CERS6: variants seen among roughly 807,000 people sequenced by gnomAD.
The protein encoded by CERS6 is ceramide synthase 6.
In CERS6, 26 loss-of-function variants were observed where a neutral mutation model predicts 56.8. The ratio of observed to expected loss-of-function variants is 0.46; its 90% CI spans 0.34 to 0.63. CERS6 has a LOEUF of 0.63. Ranked by LOEUF, CERS6 falls within the 30% of genes least tolerant of loss-of-function variation. The probability of loss-of-function intolerance (pLI) is 0.01; values close to 1 mark genes in which losing one functional copy is unlikely to be tolerated. For missense variants in CERS6, 415 were observed against 467.5 expected, an observed-to-expected ratio of 0.89 and a Z score of 1.04; for synonymous variants, 164 against 173.3, an observed-to-expected ratio of 0.95 and a Z score of 0.42.
intron 4 of CERS6, among the ~76,000 whole-genome samples, chr2:168,653,693 G>A (rs183716656): frequency 6.6e-6 from 1 of 152,198 alleles, no homozygotes; most frequent in Admixed American, 6.5e-5. Context: ...GACATCTCTT[G>A]TATGGACTGC....
rs1214508784 is a variant in CERS6, at chr2:168,698,236, GA to G, written c.609+3203del. ...GATAGAGCCAGACCTTGTCTCACAGGAAAAAAAAAAAAAAAAAAGAAAAAAA... is the reference window on the plus strand; with the variant it reads ...GATAGAGCCAGACCTTGTCTCACAGGAAAAAAAAAAAAAAAAAGAAAAAAA... On this transcript the variant is annotated intron_variant, in intron 6 of 9. Transcript: ENST00000305747. 9.1e-3 allele frequency among the ~76,000 whole-genome samples: 1,141 copies of G among 124,776 alleles called. 1 individual carries two copies. Among genetic ancestry groups the G allele is most frequent in the African/African-American group, 0.039 (1,083 of 27,760 alleles). 81.9% of individuals were successfully genotyped at this position (124,776 alleles called of 152,430 possible). A position where few individuals can be genotyped will look rare whatever the true frequency, so the allele number is the denominator to read the frequency against.
At chr2:168,637,037 T>A (rs1684876174) in intron 4 of CERS6, among the ~76,000 whole-genome samples, 2 of 152,238 alleles carry the variant, frequency 1.3e-5, no homozygotes, top group Admixed American at 6.5e-5. Flanking sequence ...TTTCAGCTCA[T>A]ATCCCATAAT....
At chr2:168,677,962 G>A (rs1038078928) in intron 4 of CERS6, among the ~76,000 whole-genome samples, 16 of 152,146 alleles carry the variant, frequency 1.1e-4, no homozygotes, top group South Asian at 6.2e-4. Flanking sequence ...ATCACTGGTC[G>A]TCAGAGAAAT....
intron 8 of CERS6, among the ~76,000 whole-genome samples, chr2:168,738,455 T>G (rs1226665749): frequency 6.6e-6 from 1 of 152,226 alleles, no homozygotes; most frequent in African/African-American, 2.4e-5. Flanking sequence ...TATAATGACT[T>G]TTTTAACACT....
At chr2:168,548,798 A>G (rs1381740387) in intron 2 of CERS6, among the ~76,000 whole-genome samples, 1 of 152,150 alleles carries the variant, frequency 6.6e-6, no homozygotes, top group Non-Finnish European at 1.5e-5. Context: ...CCTTTTAAAA[A>G]TGTTTTTCCC....
chr2:168,698,513 G>C (rs1195836746), intron 6 of CERS6, among the ~76,000 whole-genome samples: 1 of 152,106 alleles, frequency 6.6e-6, no homozygotes, highest in Non-Finnish European at 1.5e-5. Context: ...GATCTCAAGA[G>C]AACTCACAAT....
In CERS6 at chr2:168,771,539, C is replaced by T. The variant is rs1348069734; in HGVS notation, c.*1877C>T. 1 of 152,122 alleles carries T rather than the reference C, an allele frequency of 6.6e-6. No individual in the cohort carries two copies. Among genetic ancestry groups the T allele is most frequent in the Non-Finnish European group, 1.5e-5 (1 of 68,020 alleles). The allele number at this position is 152,122 out of a possible 1,614,324, so 9.4% of individuals were successfully genotyped here. A position where few individuals can be genotyped will look rare whatever the true frequency, so the allele number is the denominator to read the frequency against. ...GGATGGTTGAGTTTGTAAGAACAAT[C>T]ATAAAAGGACTTGTTAGTCTCCAGA... On this transcript the variant is annotated 3_prime_UTR_variant, in exon 10 of 10. Transcript: ENST00000305747.
At chr2:168,547,533 A>G (rs1261665880) in intron 1 of CERS6, 63 bp from the exon 2 acceptor site, 2 of 888,150 alleles carry the variant, frequency 2.3e-6, no homozygotes, top group Middle Eastern at 2.6e-4. Context: ...AACTGGTGGC[A>G]TTAAGAATCA....
intron 1 of CERS6, 138 bp from the exon 2 acceptor site, chr2:168,547,458 G>T (rs1260392242): frequency 1.7e-6 from 1 of 575,970 alleles, no homozygotes; most frequent in Non-Finnish European, 3.1e-6. Flanking sequence ...TTACTGACAG[G>T]AGTGTTGACA....
chr2:168,487,930 G>T (rs1694303716), intron 1 of CERS6, among the ~76,000 whole-genome samples: 1 of 152,182 alleles, frequency 6.6e-6, no homozygotes, highest in East Asian at 1.9e-4. Context: ...ATGTTGCCCA[G>T]GTTGGTCTTG....
intron 3 of CERS6, among the ~76,000 whole-genome samples, chr2:168,595,009 A>G (rs936363024): frequency 6.6e-6 from 1 of 152,198 alleles, no homozygotes; most frequent in Non-Finnish European, 1.5e-5. Context: ...GTGCTGTTTC[A>G]GGGCTGTGAG....
chr2:168,493,393 A>G (rs912523961), intron 1 of CERS6, among the ~76,000 whole-genome samples: 4 of 152,246 alleles, frequency 2.6e-5, no homozygotes, highest in African/African-American at 9.6e-5. Context: ...CTCAGCTACC[A>G]AGGTAGGGCA....
intron 3 of CERS6, among the ~76,000 whole-genome samples, chr2:168,611,529 ATACT>A (rs764444251): frequency 5.3e-5 from 8 of 152,236 alleles, no homozygotes; most frequent in African/African-American, 9.6e-5. Context: ...ATGAATAAAC[ATACT>A]TACTTTGTTC....
intron 4 of CERS6, among the ~76,000 whole-genome samples, chr2:168,674,016 T>G (rs1444158994): frequency 6.6e-6 from 1 of 152,196 alleles, no homozygotes; most frequent in East Asian, 1.9e-4. Flanking sequence ...GAACTGTTAA[T>G]ATGTTTGGAG....
intron 8 of CERS6, among the ~76,000 whole-genome samples, chr2:168,744,001 T>TC (rs1345252853): frequency 7.7e-6 from 1 of 129,944 alleles, no homozygotes; most frequent in African/African-American, 3.2e-5. Flanking sequence ...TTTTCTTTTT[T>TC]TTTTTTTTTT....
chr2:168,531,225 C>CA (rs751306925), intron 1 of CERS6, among the ~76,000 whole-genome samples: 1 of 152,104 alleles, frequency 6.6e-6, no homozygotes, highest in African/African-American at 2.4e-5. Context: ...AATGGGTTTA[C>CA]ATTTCAGCAA....
intron 4 of CERS6, among the ~76,000 whole-genome samples, chr2:168,635,696 A>G (rs1450217833): frequency 6.6e-6 from 1 of 152,224 alleles, no homozygotes; most frequent in African/African-American, 2.4e-5. Flanking sequence ...TTGCCCCATT[A>G]CATTGACTTC....
chr2:168,640,579 T>C (rs1574121010), intron 4 of CERS6, among the ~76,000 whole-genome samples: 2 of 152,316 alleles, frequency 1.3e-5, no homozygotes, highest in East Asian at 3.9e-4. Context: ...ATCAGTAACA[T>C]GGGAGCCTAA....
chr2:168,487,301 A>C (rs1161508875), intron 1 of CERS6, among the ~76,000 whole-genome samples: 2 of 152,182 alleles, frequency 1.3e-5, no homozygotes, highest in Non-Finnish European at 1.5e-5. Context: ...GTCTTAGACA[A>C]CTGATGAATT....
Sources: gnomAD v4.1 joint callset for allele counts (sites outside exome capture counted in the v4.1 genomes callset) on GRCh38, gnomAD v4.1.1 for gene constraint, MANE v1.5 for transcripts, NCBI Gene and HGNC (gene_info 2026-07-23, HGNC 2026-07-21) for gene names.